SLC10A7: variants seen among roughly 807,000 people sequenced by gnomAD.
SLC10A7 encodes solute carrier family 10 member 7.
SLC10A7 carries 29 observed loss-of-function variants against 43.2 expected under a neutral mutation model. The ratio of observed to expected loss-of-function variants is 0.67; its 90% CI spans 0.50 to 0.92. The LOEUF (loss-of-function observed/expected upper bound fraction) is 0.92, where lower values mean the gene tolerates loss of function less well. Ranked by LOEUF, SLC10A7 falls within the 40% of genes least tolerant of loss-of-function variation. The pLI is 0.00. For synonymous variants in SLC10A7, 152 were observed against 144.8 expected (o/e 1.05, Z -0.35); for missense variants, 295 against 403.2 (o/e 0.73, Z 2.30).
rs192263890 is a variant in SLC10A7, at chr4:146,365,250, T to C, written c.436-39254A>G. On this transcript the variant is annotated intron_variant, in intron 5 of 11. Transcript: ENST00000335472. ...GCACAAAGCAAAACACCACCTTTTA[T>C]TTATATAAACACTGAATATAATTAG... Among the ~76,000 whole-genome samples the C allele has an allele frequency of 9.8e-5, 15 of 152,348 alleles. No homozygotes were observed. In the East Asian group the frequency reaches 2.7e-3, roughly 27 times the overall value.
Position 146,256,442 on chromosome 4 carries a change from G to A in SLC10A7, c.*49C>T. ...TACAAGTCTTCAGAATTGCTAGTAT[G>A]TACAATCCTGTACATATATACATTG... On this transcript the variant is annotated 3_prime_UTR_variant, in exon 12 of 12. Transcript: ENST00000335472. 2 of 1,590,614 alleles carry A rather than the reference G, an allele frequency of 1.3e-6. No homozygotes were observed. The highest frequency in any genetic ancestry group is 2.2e-5 in the East Asian group (1 of 44,756).
chr4:146,341,986 CAG>C (rs1451184447), intron 5 of SLC10A7, among the ~76,000 whole-genome samples: 7 of 151,770 alleles, frequency 4.6e-5, no homozygotes, highest in African/African-American at 1.7e-4. Context: ...CCTCTCAACT[CAG>C]AAACATTAGC....
chr4:146,411,092 C>T (rs1032622724), intron 5 of SLC10A7, among the ~76,000 whole-genome samples: 1 of 152,112 alleles, frequency 6.6e-6, no homozygotes, highest in East Asian at 1.9e-4. Context: ...GCTCTGGACT[C>T]CCAAAGTACT....
intron 5 of SLC10A7, among the ~76,000 whole-genome samples, chr4:146,423,482 G>T (rs953745136): frequency 6.6e-6 from 1 of 152,186 alleles, no homozygotes; most frequent in African/African-American, 2.4e-5. Flanking sequence ...CTTTGGATTT[G>T]TCAAATGTTT....
chr4:146,396,979 C>T (rs948162667), intron 5 of SLC10A7, among the ~76,000 whole-genome samples: 1 of 152,138 alleles, frequency 6.6e-6, no homozygotes, highest in African/African-American at 2.4e-5. Flanking sequence ...TCGGCTTTTA[C>T]AGGCCATTAA....
intron 4 of SLC10A7, among the ~76,000 whole-genome samples, chr4:146,480,397 G>T (rs974570126): frequency 6.6e-6 from 1 of 152,238 alleles, no homozygotes; most frequent in African/African-American, 2.4e-5. Flanking sequence ...TATACAAAGA[G>T]ATGCTCATTT....
chr4:146,375,367 T>G (rs567464504), intron 5 of SLC10A7, among the ~76,000 whole-genome samples: 1 of 152,298 alleles, frequency 6.6e-6, no homozygotes, highest in South Asian at 2.1e-4. Flanking sequence ...TGCTCTTACC[T>G]TTGCATTCAT....
chr4:146,495,263 T>G (rs1005047229), intron 4 of SLC10A7, among the ~76,000 whole-genome samples: 1 of 152,112 alleles, frequency 6.6e-6, no homozygotes, highest in Non-Finnish European at 1.5e-5. Context: ...GTAACCCCAT[T>G]TAACAGAAGA....
chr4:146,349,399 C>T (rs560755661), intron 5 of SLC10A7, among the ~76,000 whole-genome samples: 1 of 152,308 alleles, frequency 6.6e-6, no homozygotes, highest in South Asian at 2.1e-4. Flanking sequence ...AACACTGGTA[C>T]ACTGTTGGTG....
At chr4:146,260,867 C>A (rs901939793) in intron 10 of SLC10A7, among the ~76,000 whole-genome samples, 3 of 151,922 alleles carry the variant, frequency 2.0e-5, no homozygotes, top group African/African-American at 7.3e-5. Context: ...CTTCCAGGGG[C>A]AGTATGGTGT....
chr4:146,304,882 T>C (rs1460865256), intron 7 of SLC10A7, among the ~76,000 whole-genome samples: 1 of 151,976 alleles, frequency 6.6e-6, no homozygotes, highest in Non-Finnish European at 1.5e-5. Context: ...TGTGTGGGAG[T>C]CTAAGTCTCT....
At chr4:146,343,483 T>G (rs1263794798) in intron 5 of SLC10A7, among the ~76,000 whole-genome samples, 6 of 152,054 alleles carry the variant, frequency 3.9e-5, no homozygotes, top group Admixed American at 3.9e-4. Context: ...AAATTTCAGT[T>G]CAAATGAAGG....
chr4:146,514,108 T>A (rs1414472525), intron 2 of SLC10A7: 1 of 152,234 alleles, frequency 6.6e-6, no homozygotes, highest in Non-Finnish European at 1.5e-5. Context: ...ACCATCTCAT[T>A]CATTTGCTGA....
At chr4:146,290,588 G>A (rs890839035) in intron 9 of SLC10A7, among the ~76,000 whole-genome samples, 5 of 152,052 alleles carry the variant, frequency 3.3e-5, no homozygotes, top group Non-Finnish European at 4.4e-5. Context: ...TGCTAGTTGC[G>A]GTGAATCATG....
At chr4:146,322,376 C>G (rs1560796568) in intron 6 of SLC10A7, among the ~76,000 whole-genome samples, 1 of 136,400 alleles carries the variant, frequency 7.3e-6, no homozygotes, top group Non-Finnish European at 1.6e-5. Context: ...CCCCCTCCCC[C>G]ACCCCATAAC....
rs969413197 is a variant in SLC10A7 at position 146,306,403 on chromosome 4, ATTTT to A, written c.472-398_472-395del. ...TGTCTCATTCCTTTATCAAGATAAC[ATTTT>A]TATTTATGTAAATGAAATAGTTTCT... On this transcript the variant is annotated intron_variant, in intron 6 of 11. Coordinates refer to ENST00000335472, the MANE Select transcript of SLC10A7 (RefSeq NM_001029998.6). 3.9e-5 allele frequency among the ~76,000 whole-genome samples: 6 copies of A among 152,242 alleles called. No homozygotes were observed. The South Asian group carries it at 1.2e-3, about 32-fold the overall frequency.
intron 4 of SLC10A7, among the ~76,000 whole-genome samples, chr4:146,460,832 T>A (rs1732466818): frequency 6.6e-6 from 1 of 152,002 alleles, no homozygotes. Flanking sequence ...AATCTCAGTT[T>A]TTAGATCATA....
chr4:146,304,638 T>C (rs1450154938), intron 7 of SLC10A7, among the ~76,000 whole-genome samples: 2 of 152,218 alleles, frequency 1.3e-5, no homozygotes, highest in Non-Finnish European at 2.9e-5. Flanking sequence ...TTTCTGCTCT[T>C]TCACATTTGC....
intron 5 of SLC10A7, among the ~76,000 whole-genome samples, chr4:146,428,060 C>G (rs1471120027): frequency 6.6e-6 from 1 of 151,920 alleles, no homozygotes; most frequent in African/African-American, 2.4e-5. Context: ...GCCTGTAGTC[C>G]CAGCTACTTG....
Sources: gnomAD v4.1 joint callset for allele counts (sites outside exome capture counted in the v4.1 genomes callset) on GRCh38, gnomAD v4.1.1 for gene constraint, MANE v1.5 for transcripts, NCBI Gene and HGNC (gene_info 2026-07-23, HGNC 2026-07-21) for gene names.